Variants in ABCD3 observed in about 807,000 individuals in gnomAD.
ABCD3 encodes the protein ATP binding cassette subfamily D member 3, also known as ATP-binding cassette sub-family D member 3.
In ABCD3, 41 loss-of-function variants were observed where a neutral mutation model predicts 105.5. The ratio of observed to expected loss-of-function variants is 0.39; its 90% CI spans 0.30 to 0.50. ABCD3 has a LOEUF of 0.50. Ranked by LOEUF, ABCD3 falls within the 20% of genes least tolerant of loss-of-function variation. The pLI is 0.84. For synonymous variants in ABCD3, 258 were observed against 269.0 expected, an observed-to-expected ratio of 0.96 and a Z score of 0.40; for missense variants, 622 against 806.3, an observed-to-expected ratio of 0.77 and a Z score of 2.77.
intron 15 of ABCD3, among the ~76,000 whole-genome samples, 153 bp from the exon 16 acceptor site, chr1:94,491,031 C>T (rs7549816): frequency 1.2e-4 from 19 of 152,158 alleles, no homozygotes; most frequent in Admixed American, 9.2e-4. Flanking sequence ...AGCACCTTTT[C>T]GTATGCCTGT....
chr1:94,437,982 A>G (rs552307240), intron 1 of ABCD3, among the ~76,000 whole-genome samples: 94 of 152,238 alleles, frequency 6.2e-4, no homozygotes, highest in Non-Finnish European at 1.2e-3. Context: ...AATTGCTTCA[A>G]TCTCATAATA....
intron 16 of ABCD3, among the ~76,000 whole-genome samples, chr1:94,496,694 G>GGTTTTT (rs1302104709): frequency 6.3e-4 from 25 of 39,372 alleles, no homozygotes; most frequent in Non-Finnish European, 9.5e-4. Flanking sequence ...CCTTGTTTCT[G>GGTTTTT]TTTTTTTTTT....
chr1:94,439,848 C>T (rs549196300), intron 1 of ABCD3, among the ~76,000 whole-genome samples: 1 of 152,156 alleles, frequency 6.6e-6, no homozygotes, highest in East Asian at 1.9e-4. Context: ...GAGTTTATGT[C>T]TAGCATTGGC....
the ABCD3 span, among the ~76,000 whole-genome samples, chr1:94,387,173 C>A: frequency 4.6e-5 from 7 of 152,168 alleles, no homozygotes; most frequent in African/African-American, 1.7e-4. Context: ...AGTGTTATTG[C>A]CAAGTGCCTG....
chr1:94,464,977 A>T (rs2100975498), intron 3 of ABCD3, 104 bp downstream of exon 3: 1 of 984,126 alleles, frequency 1.0e-6, no homozygotes, highest in Non-Finnish European at 1.6e-6. Context: ...TGGCTCCTGG[A>T]TCTGCAGGCT....
intron 21 of ABCD3, among the ~76,000 whole-genome samples, chr1:94,508,073 A>G (rs1037900604): frequency 2.6e-5 from 4 of 150,952 alleles, no homozygotes; most frequent in Admixed American, 1.3e-4. Flanking sequence ...GCCCATGCCT[A>G]TGTCCTGAAT....
intron 20 of ABCD3, among the ~76,000 whole-genome samples, chr1:94,501,390 G>A (rs955157168): frequency 2.6e-5 from 4 of 152,114 alleles, no homozygotes; most frequent in African/African-American, 7.2e-5. Flanking sequence ...AGAATTGAAT[G>A]TGATGTGTAA....
At chr1:94,408,394 C>A in the ABCD3 span, among the ~76,000 whole-genome samples, 6 of 151,264 alleles carry the variant, frequency 4.0e-5, no homozygotes, top group Admixed American at 2.0e-4. Flanking sequence ...ACCAGCTTGG[C>A]CAACATGGTG....
chr1:94,455,150 G>C (rs914358695), intron 1 of ABCD3, among the ~76,000 whole-genome samples: 4 of 152,042 alleles, frequency 2.6e-5, no homozygotes, highest in African/African-American at 9.7e-5. Flanking sequence ...ACTTATATCA[G>C]GTTAATGTGT....
chr1:94,483,340 C>T, intron 10 of ABCD3, 101 bp downstream of exon 10: 1 of 846,782 alleles, frequency 1.2e-6, no homozygotes, highest in East Asian at 2.5e-5. Context: ...CACAAACACA[C>T]ACGTATGTAT....
chr1:94,473,530 A>G (rs1354523472), intron 4 of ABCD3, among the ~76,000 whole-genome samples: 1 of 152,120 alleles, frequency 6.6e-6, no homozygotes, highest in Non-Finnish European at 1.5e-5. Flanking sequence ...AGAAATAATT[A>G]GTTATCATTC....
At chr1:94,501,269 A>G (rs1446940098) in intron 20 of ABCD3, among the ~76,000 whole-genome samples, 1 of 151,568 alleles carries the variant, frequency 6.6e-6, no homozygotes, top group Non-Finnish European at 1.5e-5. Context: ...TCAAAAGAAA[A>G]AAAAAAAAAA....
At chr1:94,451,668 G>A (rs1237725469) in intron 1 of ABCD3, among the ~76,000 whole-genome samples, 4 of 151,990 alleles carry the variant, frequency 2.6e-5, no homozygotes, top group Admixed American at 2.0e-4. Context: ...GAACATTTCC[G>A]TATACTTAGC....
chr1:94,477,080 G>A (rs1164882128), intron 7 of ABCD3, among the ~76,000 whole-genome samples: 2 of 151,898 alleles, frequency 1.3e-5, no homozygotes, highest in Non-Finnish European at 2.9e-5. Flanking sequence ...TTAAGTACTT[G>A]TAGTGGGGCT....
intron 5 of ABCD3, 82 bp from the exon 6 acceptor site, chr1:94,475,061 C>T (rs1037185416): frequency 7.7e-6 from 7 of 911,376 alleles, no homozygotes; most frequent in South Asian, 1.5e-5. Context: ...ATTTGGGACA[C>T]AGGAAATAAT....
At chr1:94,401,491 G>A in the ABCD3 span, among the ~76,000 whole-genome samples, 1 of 152,182 alleles carries the variant, frequency 6.6e-6, no homozygotes, top group Non-Finnish European at 1.5e-5. Flanking sequence ...GTTGTGTTTT[G>A]AAATTAACTG....
chr1:94,515,660 T>C (rs1650882117), intron 22 of ABCD3, among the ~76,000 whole-genome samples: 1 of 152,012 alleles, frequency 6.6e-6, no homozygotes, highest in African/African-American at 2.4e-5. Flanking sequence ...TCACTATAAT[T>C]TACAAAGATA....
chr1:94,442,228 T>TAATTA (rs1229655252), intron 1 of ABCD3, among the ~76,000 whole-genome samples: 1 of 152,158 alleles, frequency 6.6e-6, no homozygotes, highest in Non-Finnish European at 1.5e-5. Context: ...AAAGTTTATT[T>TAATTA]TAAAAATACT....
chr1:94,508,653 C>G (rs1650492186), intron 21 of ABCD3, among the ~76,000 whole-genome samples: 1 of 149,288 alleles, frequency 6.7e-6, no homozygotes, highest in African/African-American at 2.5e-5. Flanking sequence ...TTGTTTGTAT[C>G]CTCTTTTATT....
Sources: allele counts gnomAD v4.1 joint callset (sites outside exome capture counted in the v4.1 genomes callset), GRCh38; gene constraint gnomAD v4.1.1; transcripts MANE v1.5; gene names NCBI Gene and HGNC (gene_info 2026-07-23, HGNC 2026-07-21).